ANK2: variants seen among roughly 807,000 people sequenced by gnomAD.
The protein encoded by ANK2 is ankyrin-2.
ANK2 carries 83 observed loss-of-function variants against 360.5 expected under a neutral mutation model. The ratio of observed to expected loss-of-function variants is 0.23; its 90% CI spans 0.19 to 0.28. ANK2 has a LOEUF of 0.28. Among genes scored for constraint, ANK2 ranks in the 10% least tolerant of loss-of-function variants. ANK2 has a pLI of 1.00. For missense variants in ANK2, 4,201 were observed against 4,795.7 expected (o/e 0.88, Z 3.66); for synonymous variants, 1,740 against 1,759.5 (o/e 0.99, Z 0.28).
intron 2 of ANK2, among the ~76,000 whole-genome samples, chr4:113,011,684 G>A (rs1250010639): frequency 1.3e-5 from 2 of 152,024 alleles, no homozygotes; most frequent in African/African-American, 2.4e-5. Flanking sequence ...GGTATAGAGA[G>A]GACATCTTAC....
At chr4:113,224,387 C>T (rs552368299) in intron 4 of ANK2, among the ~76,000 whole-genome samples, 3 of 152,162 alleles carry the variant, frequency 2.0e-5, no homozygotes, top group Admixed American at 6.5e-5. Context: ...ACACTTATGT[C>T]GAGGCCTGAA....
At chr4:113,128,333 A>G (rs1305601241) in intron 1 of ANK2, among the ~76,000 whole-genome samples, 7 of 152,216 alleles carry the variant, frequency 4.6e-5, no homozygotes, top group Non-Finnish European at 8.8e-5. Flanking sequence ...AATTCTAAGG[A>G]TTAAAATGAA....
rs755791678 is a variant in ANK2, at chr4:113,345,890, C to G, written c.4249-10C>G. 1 of 1,613,236 alleles carries G rather than the reference C, an allele frequency of 6.2e-7. No homozygotes were observed. The stretch of plus-strand genomic sequence containing the variant: ...ATGTGGGTGAAGCATGTATGTCTTT[C>G]TTGTTCAAGGTACGCGATACGACTC... On this transcript the variant is annotated splice_polypyrimidine_tract_variant and intron_variant, in intron 34 of 45. Transcript: ENST00000357077.
chr4:112,721,178 TGGAA>T, the ANK2 span, among the ~76,000 whole-genome samples: 1 of 152,102 alleles, frequency 6.6e-6, no homozygotes, highest in Non-Finnish European at 1.5e-5. Context: ...TTGTGTTTCT[TGGAA>T]GGAGGGTTGC....
intron 45 of ANK2, among the ~76,000 whole-genome samples, chr4:113,376,990 C>A (rs2096967229): frequency 6.6e-6 from 1 of 151,866 alleles, no homozygotes; most frequent in African/African-American, 2.4e-5. Context: ...TTCTGCAATA[C>A]CTCCTGAAGG....
At chr4:112,777,815 A>C in the ANK2 span, among the ~76,000 whole-genome samples, 1 of 149,402 alleles carries the variant, frequency 6.7e-6, no homozygotes, top group East Asian at 2.0e-4. Flanking sequence ...ATGGGGTTTC[A>C]CCATGTTGGC....
intron 1 of ANK2, among the ~76,000 whole-genome samples, chr4:112,873,554 TGAGATGG>T (rs2073985718): frequency 6.6e-6 from 1 of 150,750 alleles, no homozygotes. Context: ...TTTTTTTTTT[TGAGATGG>T]AGTCCCGCTC....
chr4:113,068,813 C>G (rs1250806593), intron 1 of ANK2, among the ~76,000 whole-genome samples: 1 of 152,176 alleles, frequency 6.6e-6, no homozygotes, highest in Non-Finnish European at 1.5e-5. Flanking sequence ...ATAATCTCAG[C>G]ACTTTGGGAG....
the ANK2 span, among the ~76,000 whole-genome samples, chr4:112,726,808 C>A: frequency 6.8e-6 from 1 of 146,596 alleles, no homozygotes; most frequent in Non-Finnish European, 1.5e-5. Context: ...CCAAGATCAC[C>A]GCCACTGCAC....
intron 1 of ANK2, among the ~76,000 whole-genome samples, chr4:113,151,992 G>T (rs949057217): frequency 6.7e-6 from 1 of 148,826 alleles, no homozygotes. Flanking sequence ...CTTGAGCCTA[G>T]GAGGTGGAGA....
chr4:113,342,840 A>G (rs2094446640), intron 33 of ANK2, among the ~76,000 whole-genome samples, 177 bp from the exon 34 acceptor site: 1 of 152,240 alleles, frequency 6.6e-6, no homozygotes, highest in Admixed American at 6.5e-5. Context: ...TACTAGTAAG[A>G]AGAAAGAGTG....
intron 1 of ANK2, among the ~76,000 whole-genome samples, chr4:113,165,961 C>T (rs1053092651): frequency 2.0e-5 from 3 of 152,218 alleles, no homozygotes; most frequent in Non-Finnish European, 4.4e-5. Context: ...TGTTGTGATA[C>T]AAGTCACAAA....
At chr4:113,315,206 A>T (rs2082111331) in intron 24 of ANK2, among the ~76,000 whole-genome samples, 1 of 152,224 alleles carries the variant, frequency 6.6e-6, no homozygotes, top group South Asian at 2.1e-4. Context: ...TCAAAATTTC[A>T]CTTGTATGAC....
At chr4:113,099,586 C>A (rs1376252310) in intron 1 of ANK2, among the ~76,000 whole-genome samples, 1 of 151,802 alleles carries the variant, frequency 6.6e-6, no homozygotes, top group African/African-American at 2.4e-5. Context: ...CAATACAATC[C>A]CAATCAAAAT....
chr4:113,120,100 G>A (rs11945663), intron 1 of ANK2, among the ~76,000 whole-genome samples: 73,017 of 151,648 alleles, frequency 0.48, 17,957 homozygotes, highest in Admixed American at 0.57. Flanking sequence ...GATTTCTTTG[G>A]GCTATACTCT....
intron 1 of ANK2, among the ~76,000 whole-genome samples, chr4:113,059,121 C>T (rs551714998): frequency 6.6e-6 from 1 of 152,236 alleles, no homozygotes; most frequent in East Asian, 1.9e-4. Context: ...GCCAAATCAC[C>T]TTCCAAAGGC....
At position 113,148,421 on chromosome 4, in the gene ANK2, C is replaced by CT. The variant is rs566196644; in HGVS notation, c.85-25987dup. Among the ~76,000 whole-genome samples, 12 of 152,026 alleles carry CT rather than the reference C, an allele frequency of 7.9e-5. No homozygotes were observed. In the South Asian group the frequency reaches 1.0e-3, roughly 13 times the overall value. On this transcript the variant is annotated intron_variant, in intron 1 of 45. Transcript: ENST00000357077. The stretch of plus-strand genomic sequence containing the variant: ...CTGATTTTCAAGTTATCACATCCTT[C>CT]TTTTTTTTACCAGTTTACTCTCAGA...
intron 2 of ANK2, among the ~76,000 whole-genome samples, chr4:112,990,214 A>G (rs955562907): frequency 3.9e-5 from 6 of 152,162 alleles, no homozygotes; most frequent in Non-Finnish European, 5.9e-5. Context: ...GGCTCTAGTG[A>G]GCCATGATTG....
chr4:113,256,529 G>T (rs2049428024), intron 11 of ANK2, among the ~76,000 whole-genome samples: 1 of 152,186 alleles, frequency 6.6e-6, no homozygotes, highest in African/African-American at 2.4e-5. Flanking sequence ...GCAAGAGGCT[G>T]TCCCTAGAGC....
Sources: gnomAD v4.1 joint callset for allele counts (sites outside exome capture counted in the v4.1 genomes callset) on GRCh38, gnomAD v4.1.1 for gene constraint, MANE v1.5 for transcripts, NCBI Gene and HGNC (gene_info 2026-07-23, HGNC 2026-07-21) for gene names.